LUZP2: variants seen among roughly 807,000 people sequenced by gnomAD.
LUZP2 encodes the protein leucine zipper protein 2.
LUZP2 carries 52 observed loss-of-function variants against 51.6 expected under a neutral mutation model. That is an observed-to-expected ratio of 1.01 (90% confidence interval 0.81 to 1.27). LUZP2 has a LOEUF of 1.27. Among genes scored for constraint, LUZP2 ranks in the 50% most tolerant of loss-of-function variants. The pLI is 0.00. For missense variants in LUZP2, 436 were observed against 395.4 expected (o/e 1.10, Z -0.87); for synonymous variants, 154 against 137.3 (o/e 1.12, Z -0.85).
intron 7 of LUZP2, among the ~76,000 whole-genome samples, chr11:24,960,881 T>C (rs986143748): frequency 6.6e-6 from 1 of 152,204 alleles, no homozygotes; most frequent in Non-Finnish European, 1.5e-5. Flanking sequence ...CTTGTGGGCA[T>C]TTAGTGCTAA....
chr11:24,562,630 G>C (rs1028234206), intron 1 of LUZP2, among the ~76,000 whole-genome samples: 3 of 150,988 alleles, frequency 2.0e-5, no homozygotes, highest in African/African-American at 7.3e-5. Context: ...GAGGCGAGCA[G>C]ATCACAAGGT....
chr11:24,783,877 A>C (rs904198888), intron 5 of LUZP2, among the ~76,000 whole-genome samples: 1 of 151,996 alleles, frequency 6.6e-6, no homozygotes, highest in Non-Finnish European at 1.5e-5. Flanking sequence ...ACCTACCTCA[A>C]GGTATTTGTA....
chr11:24,783,475 G>A (rs958146696), intron 5 of LUZP2, among the ~76,000 whole-genome samples: 5 of 151,776 alleles, frequency 3.3e-5, no homozygotes, highest in Admixed American at 6.6e-5. Flanking sequence ...GAGATAAAAG[G>A]TTTTTTTAAA....
At chr11:24,526,087 C>T (rs1258294478) in intron 1 of LUZP2, among the ~76,000 whole-genome samples, 1 of 151,228 alleles carries the variant, frequency 6.6e-6, no homozygotes, top group Non-Finnish European at 1.5e-5. Flanking sequence ...TTCATTCTTT[C>T]TTTCTGCAGG....
intron 1 of LUZP2, among the ~76,000 whole-genome samples, chr11:24,596,760 A>C (rs761816512): frequency 6.6e-6 from 1 of 152,220 alleles, no homozygotes; most frequent in Non-Finnish European, 1.5e-5. Flanking sequence ...TGGCTGAGGA[A>C]TCATCAAGAA....
chr11:24,831,460 T>C (rs2716494), intron 5 of LUZP2, among the ~76,000 whole-genome samples: 23,839 of 152,138 alleles, frequency 0.16, 2,074 homozygotes, highest in African/African-American at 0.22. Flanking sequence ...AATGAGATGC[T>C]TTTAAAGGAG....
chr11:25,038,717 C>T (rs373302502), intron 9 of LUZP2, among the ~76,000 whole-genome samples: 6 of 152,166 alleles, frequency 3.9e-5, no homozygotes, highest in African/African-American at 1.4e-4. Context: ...GGTAAGGGGA[C>T]ACTGGCTTTT....
intron 10 of LUZP2, among the ~76,000 whole-genome samples, chr11:25,071,046 AT>A (rs1859143212): frequency 6.6e-6 from 1 of 151,970 alleles, no homozygotes; most frequent in Non-Finnish European, 1.5e-5. Flanking sequence ...TGTAAAGCAT[AT>A]GTGTATGTCT....
intron 1 of LUZP2, among the ~76,000 whole-genome samples, chr11:24,566,864 T>C (rs1852250209): frequency 7.5e-6 from 1 of 133,068 alleles, no homozygotes; most frequent in Non-Finnish European, 1.6e-5. Context: ...ATATAATGTA[T>C]ATACACATAT....
chr11:24,896,467 A>G (rs905040866), intron 5 of LUZP2, among the ~76,000 whole-genome samples: 2 of 152,124 alleles, frequency 1.3e-5, no homozygotes, highest in African/African-American at 4.8e-5. Flanking sequence ...CCGGGTCCCC[A>G]GCACCACCGG....
At chr11:25,073,312 A>G (rs893434745) in intron 10 of LUZP2, among the ~76,000 whole-genome samples, 3 of 152,188 alleles carry the variant, frequency 2.0e-5, no homozygotes, top group Non-Finnish European at 2.9e-5. Flanking sequence ...CTTTTTAGAT[A>G]AAACAGAATA....
At chr11:25,035,750 A>T (rs1032427759) in intron 9 of LUZP2, among the ~76,000 whole-genome samples, 1 of 152,054 alleles carries the variant, frequency 6.6e-6, no homozygotes, top group Non-Finnish European at 1.5e-5. Flanking sequence ...GAAGGAAAAA[A>T]TGTACTGGTG....
Position 24,504,843 on chromosome 11 carries a change from A to G in LUZP2, c.62+7538A>G, listed in dbSNP as rs540253693. Among the ~76,000 whole-genome samples, 13 of 152,274 alleles carry G rather than the reference A, an allele frequency of 8.5e-5. No individual in the cohort carries two copies. In the East Asian group the frequency reaches 2.3e-3, roughly 27 times the overall value. ...CCAGGGCAAGCGGGGAACTAACCCA[A>G]TGAATGGCTTTCATGAAGATGTGAA... On this transcript the variant is annotated intron_variant, in intron 1 of 11. Transcript: ENST00000336930.
chr11:24,584,936 C>T (rs552212928), intron 1 of LUZP2, among the ~76,000 whole-genome samples: 1 of 152,190 alleles, frequency 6.6e-6, no homozygotes, highest in Non-Finnish European at 1.5e-5. Context: ...ACTTGTGTGC[C>T]TTCCACCTAC....
intron 1 of LUZP2, among the ~76,000 whole-genome samples, chr11:24,514,455 A>G (rs1319481681): frequency 6.6e-6 from 1 of 152,170 alleles, no homozygotes; most frequent in Admixed American, 6.5e-5. Flanking sequence ...CTGAGGCATT[A>G]CAGCACAGAA....
In LUZP2 at chr11:24,859,372, C is replaced by G. The variant is rs574555916; in HGVS notation, c.397-46619C>G. Among the ~76,000 whole-genome samples, 128 of 152,068 alleles carry G rather than the reference C, an allele frequency of 8.4e-4. 1 individual carries two copies. Among genetic ancestry groups the G allele is most frequent in the Non-Finnish European group, 1.4e-3 (92 of 68,026 alleles). ...CACTGAAAAGAACCACCCCATTTCT[C>G]CCACTTTAAACCATATACAAATATT... On this transcript the variant is annotated intron_variant, in intron 5 of 11. Transcript: ENST00000336930.
At chr11:24,986,780 T>C (rs1291383689) in intron 9 of LUZP2, among the ~76,000 whole-genome samples, 1 of 151,688 alleles carries the variant, frequency 6.6e-6, no homozygotes, top group Non-Finnish European at 1.5e-5. Context: ...TTTTATAAAA[T>C]ATATGCTTTA....
intron 9 of LUZP2, among the ~76,000 whole-genome samples, chr11:25,017,127 T>G (rs184982195): frequency 6.6e-6 from 1 of 152,282 alleles, no homozygotes; most frequent in Non-Finnish European, 1.5e-5. Flanking sequence ...GATTATTTGT[T>G]TTTTCTTGCT....
intron 11 of LUZP2, among the ~76,000 whole-genome samples, chr11:25,077,776 G>A (rs752648201): frequency 5.3e-5 from 8 of 152,090 alleles, no homozygotes; most frequent in Admixed American, 1.3e-4. Context: ...GATTACAGGC[G>A]TGAGCCACCG....
Sources: allele counts gnomAD v4.1 joint callset (sites outside exome capture counted in the v4.1 genomes callset), GRCh38; gene constraint gnomAD v4.1.1; transcripts MANE v1.5; gene names NCBI Gene and HGNC (gene_info 2026-07-23, HGNC 2026-07-21).